LNPK: variants seen among roughly 807,000 people sequenced by gnomAD.
LNPK encodes the protein lunapark, ER junction formation factor.
Under a neutral mutation model 55.2 loss-of-function variants are expected in LNPK, and 29 were observed. The observed-to-expected ratio is 0.53, with a 90% CI of 0.39 to 0.72. LNPK has a LOEUF of 0.72. LNPK is among the 30% of genes least tolerant of loss of function. The probability of loss-of-function intolerance (pLI) is 0.00; values close to 1 mark genes in which losing one functional copy is unlikely to be tolerated. For synonymous variants in LNPK, 162 were observed against 168.2 expected (o/e 0.96, Z 0.29); for missense variants, 467 against 494.8 (o/e 0.94, Z 0.53).
chr2:175,943,022 T>C (rs2105548624), intron 9 of LNPK, among the ~76,000 whole-genome samples: 1 of 151,584 alleles, frequency 6.6e-6, no homozygotes, highest in Middle Eastern at 3.4e-3. Flanking sequence ...TTAGGGACTA[T>C]TACAAGCAAC....
intron 8 of LNPK, among the ~76,000 whole-genome samples, chr2:175,960,802 T>C (rs767224713): frequency 2.3e-4 from 35 of 151,770 alleles, no homozygotes; most frequent in African/African-American, 8.2e-4. Context: ...GCAAAATAGA[T>C]AGACCACTAG....
intron 12 of LNPK, among the ~76,000 whole-genome samples, chr2:175,934,427 CA>C (rs896091442): frequency 3.9e-5 from 6 of 152,008 alleles, no homozygotes; most frequent in African/African-American, 1.2e-4. Context: ...GATTAGATGC[CA>C]TGAGTTTTAT....
intron 8 of LNPK, among the ~76,000 whole-genome samples, chr2:175,960,987 AC>A (rs1450601521): frequency 2.0e-5 from 3 of 152,346 alleles, no homozygotes; most frequent in African/African-American, 7.2e-5. Context: ...CTGGACACAT[AC>A]ACCCTCCCAA....
intron 4 of LNPK, among the ~76,000 whole-genome samples, chr2:175,984,200 G>C (rs949471408): frequency 6.7e-6 from 1 of 149,776 alleles, no homozygotes; most frequent in East Asian, 2.0e-4. Context: ...TTTTTGAGAC[G>C]GAGTCTAGCT....
rs1408233988 is a variant in LNPK, at chr2:175,926,559, ACT to A, written c.*3406_*3407del. On this transcript the variant is annotated 3_prime_UTR_variant, in exon 13 of 13. Coordinates refer to ENST00000272748, the MANE Select transcript of LNPK (RefSeq NM_030650.3). The stretch of plus-strand genomic sequence containing the variant: ...GCAGCCCAAACGGACTTAAATACAT[ACT>A]CTCTCTACAACTCAGCTTTCTCTTC... 2.0e-5 allele frequency: 3 copies of A among 152,028 alleles called. No homozygotes were observed. The highest frequency in any genetic ancestry group is 6.6e-5 in the Admixed American group (1 of 15,258). 9.4% of individuals were successfully genotyped at this position (152,028 alleles called of 1,614,324 possible). A position where few individuals can be genotyped will look rare whatever the true frequency, so the allele number is the denominator to read the frequency against.
At chr2:175,983,502 A>C (rs778575846) in intron 4 of LNPK, among the ~76,000 whole-genome samples, 11 of 151,988 alleles carry the variant, frequency 7.2e-5, no homozygotes, top group Non-Finnish European at 1.0e-4. Context: ...TAATTATAAA[A>C]ACCAAAAGCA....
intron 3 of LNPK, among the ~76,000 whole-genome samples, chr2:175,992,638 T>A (rs1002648023): frequency 3.3e-5 from 5 of 152,148 alleles, no homozygotes; most frequent in Non-Finnish European, 5.9e-5. Context: ...ATTTTTACAA[T>A]GCAAAGTTAG....
At chr2:175,967,847 T>A in intron 6 of LNPK, 1 of 663,776 alleles carries the variant, frequency 1.5e-6, no homozygotes. Flanking sequence ...AAAACATTAC[T>A]GGGTAATACA....
intron 12 of LNPK, among the ~76,000 whole-genome samples, chr2:175,930,475 TAA>T (rs1684228109): frequency 6.6e-6 from 1 of 152,074 alleles, no homozygotes; most frequent in African/African-American, 2.4e-5. Context: ...TCATACAAAA[TAA>T]GTTACTAAAG....
Position 175,929,974 on chromosome 2 carries a change from G to A in LNPK, c.1280C>T (p.Ala427Val). 6.2e-7 allele frequency: 1 copy of A among 1,613,888 alleles called. No individual in the cohort carries two copies. The highest frequency in any genetic ancestry group is 8.5e-7 in the Non-Finnish European group (1 of 1,179,894). ...GGCACGTGGAAGCATTTACTACTCT[G>A]CCGTCAAAGATTCTCCACTTAGTTC... ...DPELSGESLT[A>V]E The change falls in exon 13 of 13, where the codon GCA becomes GTA. Residue 427 changes from alanine to valine, a missense_variant. Coordinates refer to ENST00000272748, the MANE Select transcript of LNPK (RefSeq NM_030650.3).
At chr2:175,932,451 T>A (rs1227466194) in intron 12 of LNPK, among the ~76,000 whole-genome samples, 1 of 152,090 alleles carries the variant, frequency 6.6e-6, no homozygotes, top group Non-Finnish European at 1.5e-5. Flanking sequence ...ACAAAATTGG[T>A]GAAATGGGTG....
chr2:175,999,382 T>C (rs1216321126), intron 1 of LNPK, among the ~76,000 whole-genome samples: 3 of 152,180 alleles, frequency 2.0e-5, no homozygotes, highest in Non-Finnish European at 4.4e-5. Context: ...AATTTCCTCA[T>C]CTGTAAAAGA....
intron 1 of LNPK, among the ~76,000 whole-genome samples, chr2:175,997,899 C>T (rs4567899): frequency 0.47 from 71,231 of 150,022 alleles, 17,624 homozygotes; most frequent in East Asian, 0.71. Context: ...CCACCACACC[C>T]GGCTAATTTT....
intron 12 of LNPK, among the ~76,000 whole-genome samples, chr2:175,932,750 G>T (rs563665290): frequency 6.6e-6 from 1 of 152,224 alleles, no homozygotes; most frequent in East Asian, 1.9e-4. Flanking sequence ...TATTTAATGT[G>T]TTACAAACAT....
chr2:175,982,216 AAGCATAC>A (rs1167235248), intron 4 of LNPK, among the ~76,000 whole-genome samples: 13 of 152,326 alleles, frequency 8.5e-5, no homozygotes, highest in African/African-American at 3.1e-4. Context: ...GACTTTTAAA[AAGCATAC>A]AGAGAAAGAA....
chr2:175,983,832 A>G (rs949500610), intron 4 of LNPK, among the ~76,000 whole-genome samples: 3 of 152,054 alleles, frequency 2.0e-5, no homozygotes, highest in Non-Finnish European at 4.4e-5. Context: ...TCCTTTCCAA[A>G]AAACGTTGAC....
At position 175,947,573 on chromosome 2, in the gene LNPK, CA is replaced by C. The variant is rs1559036952; in HGVS notation, c.612del (p.Gly205ValfsTer40). On this transcript the variant is annotated frameshift_variant, in exon 9 of 13. Coordinates refer to ENST00000272748, the MANE Select transcript of LNPK (RefSeq NM_030650.3). LOFTEE classifies it high-confidence loss of function. ...GTAACAGTCCTTTCTGGGGGTCCAC[CA>C]GGGGCAGAACTGTCCTTTGGTGGTC... ...SPGPPKDSSA[P>X]GGPPERTVTP... 1.2e-6 allele frequency: 2 copies of C among 1,613,998 alleles called. No homozygotes were observed.
chr2:175,938,405 A>T (rs781616346), intron 10 of LNPK, 22 bp from the exon 11 acceptor site: 2 of 1,425,010 alleles, frequency 1.4e-6, no homozygotes, highest in Admixed American at 3.7e-5. Flanking sequence ...GGAAAAATGA[A>T]CAGACCAGTT....
rs1035505038 is a variant in LNPK, at chr2:175,947,473, T to C, written c.706+7A>G. On this transcript the variant is annotated splice_region_variant and intron_variant, in intron 9 of 12. Coordinates refer to ENST00000272748, the MANE Select transcript of LNPK (RefSeq NM_030650.3). ...AAACTGTAAATAACATTAAGTGCTC[T>C]GTTTACCCATTCCAGGCACTGAAGT... 6.2e-7 allele frequency: 1 copy of C among 1,608,004 alleles called. No individual in the cohort carries two copies. The highest frequency in any genetic ancestry group is 1.7e-5 in the Admixed American group (1 of 59,962).
Sources: allele counts gnomAD v4.1 joint callset (sites outside exome capture counted in the v4.1 genomes callset), GRCh38; gene constraint gnomAD v4.1.1; transcripts MANE v1.5; gene names NCBI Gene and HGNC (gene_info 2026-07-23, HGNC 2026-07-21).